The following PARD3 variants were observed in gnomAD, a reference collection of about 807,000 sequenced individuals.
PARD3 encodes the protein par-3 family cell polarity regulator, also known as partitioning defective 3 homolog.
A neutral mutation model predicts 155.4 loss-of-function variants in PARD3; 75 were observed. The ratio of observed to expected loss-of-function variants is 0.48; its 90% confidence interval spans 0.40 to 0.58. The LOEUF is 0.58. Among genes scored for constraint, PARD3 ranks in the 20% least tolerant of loss-of-function variants. PARD3 has a pLI of 0.00. For missense variants in PARD3, 1,642 were observed against 1,721.7 expected (o/e 0.95, Z 0.82); for synonymous variants, 576 against 610.5 (o/e 0.94, Z 0.83).
At chr10:34,380,855 G>A (rs1305925120) in intron 9 of PARD3, among the ~76,000 whole-genome samples, 2 of 152,080 alleles carry the variant, frequency 1.3e-5, no homozygotes, top group South Asian at 2.1e-4. Flanking sequence ...GAGATATCAA[G>A]CAGAATTTTA....
intron 5 of PARD3, among the ~76,000 whole-genome samples, chr10:34,434,013 AG>A (rs1455758059): frequency 6.6e-6 from 1 of 152,218 alleles, no homozygotes; most frequent in Admixed American, 6.5e-5. Context: ...AGGATGGGAA[AG>A]AATAAGACAC....
At chr10:34,438,562 A>G (rs570209836) in intron 5 of PARD3, among the ~76,000 whole-genome samples, 141 of 152,296 alleles carry the variant, frequency 9.3e-4, no homozygotes, top group Middle Eastern at 3.4e-3. Context: ...CCCATAATAC[A>G]TGATATCAGA....
intron 5 of PARD3, among the ~76,000 whole-genome samples, chr10:34,441,010 T>C (rs1197686651): frequency 6.6e-6 from 1 of 152,178 alleles, no homozygotes; most frequent in Admixed American, 6.5e-5. Context: ...GATTATGTTC[T>C]TCAGAAAAGA....
intron 22 of PARD3, among the ~76,000 whole-genome samples, chr10:34,159,721 G>A (rs1386432792): frequency 6.6e-6 from 1 of 152,154 alleles, no homozygotes; most frequent in Non-Finnish European, 1.5e-5. Context: ...TATACATGAG[G>A]CTCTATTCTA....
rs73256748 is a variant in PARD3 at position 34,318,963 on chromosome 10, T to C, written c.2834-1625A>G. ...TGTATTTTTAGTAGTTTTGTATTTT[T>C]AGTAGTAGAGTTTCACTATGTTGGC... On this transcript the variant is annotated intron_variant, in intron 19 of 24. Coordinates refer to ENST00000374788, the MANE Select transcript of PARD3 (RefSeq NM_001184785.2). Among the ~76,000 whole-genome samples, 527 of 150,526 alleles carry C rather than the reference T, an allele frequency of 3.5e-3. 1 individual carries two copies. Among genetic ancestry groups the C allele is most frequent in the African/African-American group, 0.012 (492 of 40,620 alleles).
At chr10:34,313,258 C>T (rs1195583832) in intron 20 of PARD3, among the ~76,000 whole-genome samples, 1 of 152,188 alleles carries the variant, frequency 6.6e-6, no homozygotes, top group Non-Finnish European at 1.5e-5. Context: ...AGAATGATTA[C>T]ATTTACAAGT....
chr10:34,341,505 T>C (rs1236171668), intron 16 of PARD3, 122 bp downstream of exon 16: 12 of 661,780 alleles, frequency 1.8e-5, no homozygotes, highest in Admixed American at 1.3e-4. Flanking sequence ...GTGATAAGTA[T>C]ATAAAAACCA....
intron 22 of PARD3, among the ~76,000 whole-genome samples, chr10:34,166,627 TA>T (rs200039992): frequency 0.061 from 8,617 of 141,648 alleles, 659 homozygotes; most frequent in East Asian, 0.29. Flanking sequence ...AGATCCTGTC[TA>T]AAAAAAAAAA....
chr10:34,433,509 G>A (rs1175054402), intron 5 of PARD3, among the ~76,000 whole-genome samples: 1 of 152,110 alleles, frequency 6.6e-6, no homozygotes, highest in Non-Finnish European at 1.5e-5. Context: ...AAGTATTACT[G>A]AACTGGATCT....
chr10:34,175,200 C>T (rs1260118874), intron 22 of PARD3, among the ~76,000 whole-genome samples: 1 of 152,178 alleles, frequency 6.6e-6, no homozygotes, highest in Non-Finnish European at 1.5e-5. Context: ...ACAAAACCCA[C>T]ATTAACTTCA....
At chr10:34,510,881 A>G (rs1238535792) in intron 3 of PARD3, among the ~76,000 whole-genome samples, 1 of 152,220 alleles carries the variant, frequency 6.6e-6, no homozygotes, top group Admixed American at 6.5e-5. Flanking sequence ...TTTTAAAAAT[A>G]ATTTCAATAA....
chr10:34,538,273 A>G lies in PARD3; in HGVS notation c.223-21114T>C, dbSNP rs984091944. On this transcript the variant is annotated intron_variant, in intron 2 of 24. Transcript: ENST00000374788. ...TCAAATATTCCATGTGAGATCTTAA[A>G]AACAACAGGAACATCAAGAAATCAG... Among the ~76,000 whole-genome samples, 44 of 152,362 alleles carry G rather than the reference A, an allele frequency of 2.9e-4. 1 individual carries two copies. The highest frequency in any genetic ancestry group is 1.9e-3 in the South Asian group (9 of 4,828).
chr10:34,766,270 G>A (rs1011827791), intron 1 of PARD3, among the ~76,000 whole-genome samples: 2 of 152,144 alleles, frequency 1.3e-5, no homozygotes, highest in Non-Finnish European at 1.5e-5. Context: ...GACGTGGGGG[G>A]ATCACCCAAA....
At chr10:34,666,050 CA>C (rs796578184) in intron 2 of PARD3, among the ~76,000 whole-genome samples, 13 of 144,208 alleles carry the variant, frequency 9.0e-5, no homozygotes, top group Non-Finnish European at 9.0e-5. Flanking sequence ...CTGACTCTAC[CA>C]AAAAAAAAAT....
chr10:34,474,734 T>A (rs958039734), intron 3 of PARD3, among the ~76,000 whole-genome samples: 1 of 152,240 alleles, frequency 6.6e-6, no homozygotes, highest in Non-Finnish European at 1.5e-5. Flanking sequence ...TCACAAATTA[T>A]GAAATCAAAT....
At chr10:34,294,745 A>T (rs952238193) in intron 20 of PARD3, among the ~76,000 whole-genome samples, 14 of 152,210 alleles carry the variant, frequency 9.2e-5, no homozygotes, top group Non-Finnish European at 1.6e-4. Context: ...TAATTCTTAG[A>T]ACAGGAAAGA....
intron 2 of PARD3, among the ~76,000 whole-genome samples, chr10:34,672,972 T>C (rs992075877): frequency 1.3e-5 from 2 of 152,220 alleles, no homozygotes; most frequent in African/African-American, 4.8e-5. Flanking sequence ...TGTTAATACC[T>C]CTAGGATGAT....
chr10:34,285,600 CAGAG>C (rs889033646), intron 20 of PARD3, among the ~76,000 whole-genome samples: 1 of 150,672 alleles, frequency 6.6e-6, no homozygotes, highest in Non-Finnish European at 1.5e-5. Flanking sequence ...AAGAAAGAAA[CAGAG>C]AGGAGAAAAG....
At chr10:34,713,152 TG>T in intron 1 of PARD3, among the ~76,000 whole-genome samples, 1 of 152,142 alleles carries the variant, frequency 6.6e-6, no homozygotes, top group East Asian at 1.9e-4. Flanking sequence ...GTGGAGGTTG[TG>T]GTGAGCCGAG....
Sources: allele counts gnomAD v4.1 joint callset (sites outside exome capture counted in the v4.1 genomes callset), GRCh38; gene constraint gnomAD v4.1.1; transcripts MANE v1.5; gene names NCBI Gene and HGNC (gene_info 2026-07-23, HGNC 2026-07-21).